The following RELN variants were observed in gnomAD, a reference collection of about 807,000 sequenced individuals.
RELN encodes reelin.
Under a neutral mutation model 427.6 loss-of-function variants are expected in RELN, and 108 were observed. The observed-to-expected ratio is 0.25, with a 90% CI of 0.22 to 0.30. RELN has a LOEUF of 0.30. Ranked by LOEUF, RELN falls within the 10% of genes least tolerant of loss-of-function variation. RELN has a pLI of 1.00. For missense variants in RELN, 3,715 were observed against 4,302.8 expected, an observed-to-expected ratio of 0.86 and a Z score of 3.82; for synonymous variants, 1,524 against 1,513.4, an observed-to-expected ratio of 1.01 and a Z score of -0.16.
At position 103,589,807 on chromosome 7, in the gene RELN, G is replaced by T; in HGVS notation, c.3934C>A (p.Gln1312Lys). 2.5e-6 allele frequency: 4 copies of T among 1,607,294 alleles called. No homozygotes were observed. Among genetic ancestry groups the T allele is most frequent in the Non-Finnish European group, 3.4e-6 (4 of 1,173,832 alleles). ...QFKLNIGCAN[Q>K]FSSTAPVLLQ... Reference sequence around the variant, plus strand: ...AGAACTGGAGCAGTACTGCTGAATTGATTGGCACAACCTATGTTTAGCTGT... The same window carrying T: ...AGAACTGGAGCAGTACTGCTGAATTTATTGGCACAACCTATGTTTAGCTGT... Residue 1312 changes from glutamine (Q) to lysine (K), a missense_variant, in exon 28 of 65, where the codon CAA becomes AAA. Physicochemically the swap from Gln to Lys is moderately conservative, Grantham distance 53. Coordinates refer to ENST00000428762, the MANE Select transcript of RELN (RefSeq NM_005045.4).
At chr7:103,708,612 C>T (rs545672142) in intron 8 of RELN, among the ~76,000 whole-genome samples, 7 of 151,656 alleles carry the variant, frequency 4.6e-5, no homozygotes, top group Non-Finnish European at 8.8e-5. Context: ...TACAGGCGCC[C>T]GCCAACACGC....
intron 2 of RELN, among the ~76,000 whole-genome samples, chr7:103,855,308 G>C (rs1793918976): frequency 1.3e-5 from 2 of 152,144 alleles, no homozygotes; most frequent in Non-Finnish European, 2.9e-5. Flanking sequence ...ACACTGGAAA[G>C]GCAAGTGAAG....
At chr7:103,870,697 G>A (rs1279341637) in intron 2 of RELN, among the ~76,000 whole-genome samples, 1 of 152,058 alleles carries the variant, frequency 6.6e-6, no homozygotes, top group Non-Finnish European at 1.5e-5. Flanking sequence ...GACCTTCAGT[G>A]TCCTCCATTC....
chr7:103,681,458 G>A (rs912555199), intron 11 of RELN, among the ~76,000 whole-genome samples: 30 of 151,848 alleles, frequency 2.0e-4, no homozygotes, highest in East Asian at 1.9e-4. Context: ...TCCATATCAC[G>A]TTATGGGTTT....
intron 58 of RELN, 91 bp downstream of exon 58, chr7:103,491,844 TCTCTCTCTCTCTCACACA>T (rs1828668144): frequency 1.9e-5 from 12 of 628,032 alleles, no homozygotes; most frequent in East Asian, 1.8e-4. Flanking sequence ...TCTCTCTCTC[TCTCTCTCTCTCTCACACA>T]CACACACACA....
At chr7:103,732,056 C>T (rs1217180130) in intron 6 of RELN, among the ~76,000 whole-genome samples, 1 of 151,992 alleles carries the variant, frequency 6.6e-6, no homozygotes, top group African/African-American at 2.4e-5. Flanking sequence ...CAATACAACT[C>T]TAGAGAATTA....
At chr7:103,539,406 G>C (rs1022385693) in intron 44 of RELN, 79 bp from the exon 45 acceptor site, 1 of 1,468,590 alleles carries the variant, frequency 6.8e-7, no homozygotes, top group Non-Finnish European at 9.3e-7. Context: ...TCGTTTGTTT[G>C]TTTGTTTGTT....
intron 2 of RELN, among the ~76,000 whole-genome samples, chr7:103,890,874 G>A (rs1354337037): frequency 6.6e-6 from 1 of 152,058 alleles, no homozygotes; most frequent in Non-Finnish European, 1.5e-5. Context: ...TCAGGAGTTC[G>A]AGACCACCCT....
chr7:103,611,407 T>C (rs1831951597), intron 21 of RELN, among the ~76,000 whole-genome samples: 1 of 152,224 alleles, frequency 6.6e-6, no homozygotes. Context: ...TATTTCCAAT[T>C]ATTCTTTAAT....
chr7:103,640,743 G>T lies in RELN; in HGVS notation c.2003-134C>A. ...AGGAACCCAGGGTGACATATGGAATGCTGTGTAATAAGGTAAGTGCTTAGT... is the reference window on the plus strand; with the variant it reads ...AGGAACCCAGGGTGACATATGGAATTCTGTGTAATAAGGTAAGTGCTTAGT... On this transcript the variant is annotated intron_variant, in intron 16 of 64. Transcript: ENST00000428762. This position sits in a 1 kb window ranked among gnomAD's most constrained non-coding sequence, Gnocchi z 4.1. The T allele has an allele frequency of 1.2e-6, 1 of 832,022 alleles. No individual in the cohort carries two copies. The allele number at this position is 832,022 out of a possible 1,614,324, so 51.5% of individuals were successfully genotyped here.
chr7:103,756,680 C>T (rs1791165232), intron 4 of RELN, among the ~76,000 whole-genome samples: 1 of 152,134 alleles, frequency 6.6e-6, no homozygotes. Context: ...TGGGGAGCTT[C>T]AACACCAAGT....
At chr7:103,785,186 A>C (rs1005217858) in intron 3 of RELN, among the ~76,000 whole-genome samples, 1 of 152,146 alleles carries the variant, frequency 6.6e-6, no homozygotes, top group African/African-American at 2.4e-5. Context: ...GCCTTCTAAA[A>C]CATTAAAATA....
chr7:103,735,061 C>CT (rs550775356), intron 6 of RELN, among the ~76,000 whole-genome samples: 3 of 151,750 alleles, frequency 2.0e-5, no homozygotes, highest in East Asian at 3.9e-4. Context: ...TACACCATCT[C>CT]TTTTTTTTCA....
chr7:103,814,854 T>C (rs1792831566), intron 3 of RELN, among the ~76,000 whole-genome samples: 1 of 152,158 alleles, frequency 6.6e-6, no homozygotes, highest in Non-Finnish European at 1.5e-5. Context: ...AACTTGAAAT[T>C]GTGCCAGGCC....
chr7:103,643,912 C>T (rs1832744402), intron 16 of RELN, among the ~76,000 whole-genome samples: 1 of 151,796 alleles, frequency 6.6e-6, no homozygotes, highest in Non-Finnish European at 1.5e-5. Flanking sequence ...CTACCAAAAA[C>T]ATTTAAAAAG....
intron 31 of RELN, among the ~76,000 whole-genome samples, chr7:103,568,130 T>C (rs750007356): frequency 3.9e-4 from 59 of 152,218 alleles, no homozygotes; most frequent in Non-Finnish European, 6.3e-4. Flanking sequence ...ATAATTTTTT[T>C]TGCTATACAC....
Position 103,562,067 on chromosome 7 carries a change from C to T in RELN, c.5211-114G>A. On this transcript the variant is annotated intron_variant, in intron 34 of 64. Coordinates refer to ENST00000428762, the MANE Select transcript of RELN (RefSeq NM_005045.4). Reference sequence around the variant, plus strand: ...CTTTAAAGTGCCTTCCTCCAGGGTCCAGTTCTCTCTTTCTTGACGTACTTT... The same window carrying T: ...CTTTAAAGTGCCTTCCTCCAGGGTCTAGTTCTCTCTTTCTTGACGTACTTT... 3 of 1,251,752 alleles carry T rather than the reference C, an allele frequency of 2.4e-6. No individual in the cohort carries two copies. The South Asian group carries it at 4.0e-5, about 17-fold the overall frequency. The allele number at this position is 1,251,752 out of a possible 1,614,324, so 77.5% of individuals were successfully genotyped here.
At chr7:103,874,608 T>C (rs368635739) in intron 2 of RELN, among the ~76,000 whole-genome samples, 53,313 of 140,786 alleles carry the variant, frequency 0.38, 12,605 homozygotes, top group Non-Finnish European at 0.46. Context: ...CCATTCACAA[T>C]TGCTTCAAAG....
intron 2 of RELN, among the ~76,000 whole-genome samples, chr7:103,870,958 T>G (rs17321820): frequency 0.054 from 8,211 of 152,212 alleles, 325 homozygotes; most frequent in Non-Finnish European, 0.079. Context: ...GCAGGACCAC[T>G]GTGCTTTTTC....
Sources: gnomAD v4.1 joint callset for allele counts (sites outside exome capture counted in the v4.1 genomes callset) on GRCh38, gnomAD v4.1.1 for gene constraint, Gnocchi (gnomAD v3.1) non-coding constraint, MANE v1.5 for transcripts, NCBI Gene and HGNC (gene_info 2026-07-23, HGNC 2026-07-21) for gene names.